The following ODAD2 variants were observed in gnomAD, a reference collection of about 807,000 sequenced individuals.
ODAD2 encodes the protein outer dynein arm docking complex subunit 2, also known as outer dynein arm-docking complex subunit 2.
ODAD2 carries 89 observed loss-of-function variants against 106.8 expected under a neutral mutation model. The observed-to-expected ratio is 0.83, with a 90% CI of 0.70 to 0.99. The LOEUF (loss-of-function observed/expected upper bound fraction) is 0.99. ODAD2 is among the 50% of genes least tolerant of loss of function. The probability of loss-of-function intolerance (pLI) is 0.00; values close to 1 mark genes in which losing one functional copy is unlikely to be tolerated. For synonymous variants in ODAD2, 404 were observed against 436.2 expected, an observed-to-expected ratio of 0.93 and a Z score of 0.92; for missense variants, 1,168 against 1,238.5, an observed-to-expected ratio of 0.94 and a Z score of 0.85.
At chr10:27,843,835 C>T (rs887350047) in intron 19 of ODAD2, among the ~76,000 whole-genome samples, 2 of 152,064 alleles carry the variant, frequency 1.3e-5, no homozygotes, top group African/African-American at 4.8e-5. Context: ...ATGCAATATA[C>T]ATAAAGATTT....
intron 19 of ODAD2, among the ~76,000 whole-genome samples, chr10:27,827,107 C>T (rs1372279272): frequency 6.6e-6 from 1 of 152,096 alleles, no homozygotes; most frequent in African/African-American, 2.4e-5. Context: ...AAAATATTCT[C>T]TTCTCTTGAC....
chr10:27,837,244 C>T (rs1230425819), intron 19 of ODAD2, among the ~76,000 whole-genome samples: 2 of 152,172 alleles, frequency 1.3e-5, no homozygotes, highest in Non-Finnish European at 2.9e-5. Flanking sequence ...CAGAGTGAGA[C>T]CTATCGTGGG....
At chr10:27,927,992 T>C (rs1318837420) in intron 16 of ODAD2, among the ~76,000 whole-genome samples, 3 of 152,112 alleles carry the variant, frequency 2.0e-5, no homozygotes, top group East Asian at 3.8e-4. Context: ...AATACCCAAT[T>C]GACTAGTTGA....
rs559768659 is a variant in ODAD2 at position 27,967,620 on chromosome 10, G to A, written c.1238+1303C>T. ...AAATAAAAGATTTAGGCCAGGTGCA[G>A]TGGCTCACATCTGTAATCCCAGCAC... On this transcript the variant is annotated intron_variant, in intron 9 of 19. Coordinates refer to ENST00000305242, the MANE Select transcript of ODAD2 (RefSeq NM_018076.5). Among the ~76,000 whole-genome samples, 605 of 152,162 alleles carry A rather than the reference G, an allele frequency of 4.0e-3. 6 individuals carry two copies. The highest frequency in any genetic ancestry group is 0.014 in the African/African-American group (572 of 41,520).
chr10:27,851,027 G>T (rs1839223014), intron 19 of ODAD2, among the ~76,000 whole-genome samples: 1 of 152,146 alleles, frequency 6.6e-6, no homozygotes. Context: ...TCTGCGGAAG[G>T]TGCCTCTTGA....
intron 19 of ODAD2, chr10:27,853,237 C>A (rs1271830542): frequency 5.6e-6 from 1 of 179,142 alleles, no homozygotes; most frequent in East Asian, 1.8e-4. Context: ...CATGCTGGCA[C>A]ATGCCTGTAA....
intron 17 of ODAD2, among the ~76,000 whole-genome samples, chr10:27,899,798 A>G (rs976998634): frequency 1.3e-5 from 2 of 152,188 alleles, no homozygotes; most frequent in African/African-American, 4.8e-5. Flanking sequence ...CTCTGAAAGA[A>G]AGGAAGCAGC....
At chr10:27,831,741 G>T (rs1837492310) in intron 19 of ODAD2, among the ~76,000 whole-genome samples, 1 of 152,238 alleles carries the variant, frequency 6.6e-6, no homozygotes, top group Non-Finnish European at 1.5e-5. Context: ...GGCATAGCTG[G>T]TCCTCTCTGG....
chr10:27,893,937 G>C (rs776288575), intron 17 of ODAD2, among the ~76,000 whole-genome samples: 1 of 151,912 alleles, frequency 6.6e-6, no homozygotes, highest in Non-Finnish European at 1.5e-5. Context: ...ATCACCTGGA[G>C]CCTGGAGTTT....
At chr10:27,940,193 GTA>G (rs145103626) in intron 13 of ODAD2, among the ~76,000 whole-genome samples, 186 bp from the exon 14 acceptor site, 5 of 150,866 alleles carry the variant, frequency 3.3e-5, no homozygotes, top group African/African-American at 9.8e-5. Context: ...TTGTGTGTGT[GTA>G]TATATATATA....
intron 10 of ODAD2, 121 bp from the exon 11 acceptor site, chr10:27,945,083 T>C (rs1467695940): frequency 8.6e-7 from 1 of 1,159,174 alleles, no homozygotes. Flanking sequence ...ATTTGTTAAA[T>C]GAATCAGGTA....
rs114515937 is a variant in ODAD2, at chr10:27,940,043, A to G, written c.1987-36T>C. 1,926 of 1,404,700 alleles carry G rather than the reference A, an allele frequency of 1.4e-3. 25 individuals carry two copies. In the African/African-American group the frequency reaches 0.024, roughly 17 times the overall value. The allele number at this position is 1,404,700 out of a possible 1,614,324, so 87.0% of individuals were successfully genotyped here. A position where few individuals can be genotyped will look rare whatever the true frequency, so the allele number is the denominator to read the frequency against. On this transcript the variant is annotated intron_variant, in intron 13 of 19. Transcript: ENST00000305242. ...AAACCTACATATTTATGTGTTCAAGACGTGAATATAAGTAACTGTTTACAT... is the reference window on the plus strand; with the variant it reads ...AAACCTACATATTTATGTGTTCAAGGCGTGAATATAAGTAACTGTTTACAT...
At chr10:27,928,022 C>T (rs1845373484) in intron 16 of ODAD2, among the ~76,000 whole-genome samples, 1 of 152,078 alleles carries the variant, frequency 6.6e-6, no homozygotes, top group Admixed American at 6.6e-5. Context: ...TTGGGTGTCC[C>T]ATAGGAACCT....
intron 2 of ODAD2, among the ~76,000 whole-genome samples, chr10:27,993,866 A>G (rs1487730146): frequency 1.3e-5 from 2 of 152,116 alleles, no homozygotes; most frequent in Non-Finnish European, 2.9e-5. Flanking sequence ...CTGTTTTTAT[A>G]TGATCAGACT....
At chr10:27,820,776 A>ATTTTTTTTTTTTTTT (rs1836539587) in intron 19 of ODAD2, among the ~76,000 whole-genome samples, 1 of 130,682 alleles carries the variant, frequency 7.7e-6, no homozygotes, top group African/African-American at 3.3e-5. Flanking sequence ...AAGCCCAGCA[A>ATTTTTTTTTTTTTTT]CTTTTTTTTT....
At chr10:27,984,026 T>C (rs1849722549) in intron 5 of ODAD2, 47 bp from the exon 6 acceptor site, 6 of 1,587,398 alleles carry the variant, frequency 3.8e-6, no homozygotes, top group Non-Finnish European at 4.3e-6. Context: ...TAACCTAGAG[T>C]TTGGTAAAAA....
intron 10 of ODAD2, among the ~76,000 whole-genome samples, chr10:27,955,150 C>T (rs4367844): frequency 0.16 from 24,115 of 152,076 alleles, 2,834 homozygotes; most frequent in African/African-American, 0.33. Flanking sequence ...GGAGTTGATT[C>T]GAGTGGACGA....
chr10:27,926,957 C>T (rs1030394980), intron 16 of ODAD2, among the ~76,000 whole-genome samples: 1 of 152,112 alleles, frequency 6.6e-6, no homozygotes, highest in East Asian at 1.9e-4. Context: ...ATTCAGCACA[C>T]GTAAATCTAC....
rs1227849748 is a variant in ODAD2, at chr10:27,862,544, CTTCT to C, written c.2685_2688del (p.Glu896PhefsTer12). ...ATGGCAGCACATACACTTGCCAGAACTTCTTTGTTATCTGATTTCAGTAAATTGA... is the reference window on the plus strand; with the variant it reads ...ATGGCAGCACATACACTTGCCAGAACTTGTTATCTGATTTCAGTAAATTGA... On this transcript the variant is annotated frameshift_variant, in exon 18 of 20. Coordinates refer to ENST00000305242, the MANE Select transcript of ODAD2 (RefSeq NM_018076.5). LOFTEE classifies it high-confidence loss of function. 10 of 1,611,366 alleles carry C rather than the reference CTTCT, an allele frequency of 6.2e-6. No homozygotes were observed. The highest frequency in any genetic ancestry group is 7.6e-6 in the Non-Finnish European group (9 of 1,178,834).
Sources: allele counts gnomAD v4.1 joint callset (sites outside exome capture counted in the v4.1 genomes callset), GRCh38; gene constraint gnomAD v4.1.1; transcripts MANE v1.5; gene names NCBI Gene and HGNC (gene_info 2026-07-23, HGNC 2026-07-21).